The following SEC14L2 variants were observed in gnomAD, a reference collection of about 807,000 sequenced individuals.
SEC14L2 encodes the protein SEC14 like lipid binding 2.
SEC14L2 carries 50 observed loss-of-function variants against 56.9 expected under a neutral mutation model. The ratio of observed to expected loss-of-function variants is 0.88; its 90% confidence interval spans 0.70 to 1.11. The LOEUF (loss-of-function observed/expected upper bound fraction) is 1.11, where lower values mean the gene tolerates loss of function less well. SEC14L2 is among the 50% of genes most tolerant of loss of function. The probability of loss-of-function intolerance (pLI) is 0.00; values close to 1 mark genes in which losing one functional copy is unlikely to be tolerated. For missense variants in SEC14L2, 414 were observed against 500.7 expected, an observed-to-expected ratio of 0.83 and a Z score of 1.65; for synonymous variants, 179 against 188.5, an observed-to-expected ratio of 0.95 and a Z score of 0.41.
rs1934619882 is a variant in SEC14L2, at chr22:30,424,650, ACT to A, written c.*2247_*2248del. ...AAGTAAGTGCTCGTCAATGTTGGCT[ACT>A]CTCATTTTTTTTGCAGACGTGGGAA... On this transcript the variant is annotated 3_prime_UTR_variant, in exon 12 of 12. Coordinates refer to ENST00000615189, the MANE Select transcript of SEC14L2 (RefSeq NM_012429.5). The A allele has an allele frequency of 2.2e-6, 1 of 454,462 alleles. No individual in the cohort carries two copies. The highest frequency in any genetic ancestry group is 1.6e-5 in the South Asian group (1 of 64,400). 28.2% of individuals were successfully genotyped at this position (454,462 alleles called of 1,614,324 possible).
At chr22:30,397,562 G>C (rs1397639639) in intron 1 of SEC14L2, 1 of 273,484 alleles carries the variant, frequency 3.7e-6, no homozygotes, top group Non-Finnish European at 7.0e-6. Context: ...TCTTCTTGTA[G>C]GGTCAGTGGC....
rs759889683 is a variant in SEC14L2 at position 30,407,412 on chromosome 22, C to G, written c.235-3C>G. 1.2e-6 allele frequency: 2 copies of G among 1,611,376 alleles called. No homozygotes were observed. Among genetic ancestry groups the G allele is most frequent in the African/African-American group, 2.7e-5 (2 of 74,888 alleles). On this transcript the variant is annotated splice_region_variant and splice_polypyrimidine_tract_variant and intron_variant, in intron 4 of 11. Coordinates refer to ENST00000615189, the MANE Select transcript of SEC14L2 (RefSeq NM_012429.5). ...CAGGTGGCTCCTCTGTGTCTTTGCC[C>G]AGGTGATCCAACAGTATCTGTCAGG...
chr22:30,397,575 G>T, intron 1 of SEC14L2: 1 of 265,254 alleles, frequency 3.8e-6, no homozygotes, highest in Non-Finnish European at 7.3e-6. Context: ...TCAGTGGCAC[G>T]ATGGAAAGGG....
At position 30,423,576 on chromosome 22, in the gene SEC14L2, C is replaced by G. The variant is rs781387636; in HGVS notation, c.*1169C>G. ...ACCCCAATCCCACGAGCCCCGCCAA[C>G]GAACCACAGGTGCTGGGCTTTAGAG... On this transcript the variant is annotated 3_prime_UTR_variant, in exon 12 of 12. Transcript: ENST00000615189. 2.0e-5 allele frequency: 3 copies of G among 152,306 alleles called. No individual in the cohort carries two copies. The highest frequency in any genetic ancestry group is 4.4e-5 in the Non-Finnish European group (3 of 68,066). The allele number at this position is 152,306 out of a possible 1,614,324, so 9.4% of individuals were successfully genotyped here.
intron 11 of SEC14L2, 193 bp downstream of exon 11, chr22:30,416,596 C>T: frequency 3.4e-6 from 5 of 1,474,944 alleles, no homozygotes; most frequent in Non-Finnish European, 4.5e-6. Context: ...AACTGGTTAA[C>T]AGCAGGGTGG....
At chr22:30,422,250 G>C in intron 11 of SEC14L2, 27 bp from the exon 12 acceptor site, 1 of 1,613,398 alleles carries the variant, frequency 6.2e-7, no homozygotes. Flanking sequence ...CTGCCTGAAT[G>C]TCTGTCTGGT....
At chr22:30,414,660 T>C (rs1206162940) in intron 8 of SEC14L2, among the ~76,000 whole-genome samples, 1 of 152,050 alleles carries the variant, frequency 6.6e-6, no homozygotes, top group African/African-American at 2.4e-5. Context: ...AGTATCAAAA[T>C]ATTGTACCTG....
In SEC14L2 at chr22:30,422,384, C is replaced by A. The variant is rs764040503; in HGVS notation, c.1189C>A (p.Leu397Met). Reference sequence around the variant, plus strand: ...AGCCTCAGAAGAGAAGATGAAACAGCTGGGGGCAGGCACCCCGAAATAACA... The same window carrying A: ...AGCCTCAGAAGAGAAGATGAAACAGATGGGGGCAGGCACCCCGAAATAACA... The part of the protein sequence containing the change: ...DKASEEKMKQ[L>M]GAGTPK Residue 397 changes from leucine (L) to methionine (M), a missense_variant, in exon 12 of 12, where the codon CTG becomes ATG. Coordinates refer to ENST00000615189, the MANE Select transcript of SEC14L2 (RefSeq NM_012429.5). 2 of 1,614,208 alleles carry A rather than the reference C, an allele frequency of 1.2e-6. No homozygotes were observed. The highest frequency in any genetic ancestry group is 1.7e-6 in the Non-Finnish European group (2 of 1,180,030).
intron 11 of SEC14L2, 183 bp downstream of exon 11, chr22:30,416,586 A>G (rs1934397837): frequency 6.7e-7 from 1 of 1,482,818 alleles, no homozygotes; most frequent in African/African-American, 1.4e-5. Context: ...ATGGTGACCC[A>G]ACTGGTTAAC....
In SEC14L2 at chr22:30,424,245, T is replaced by G. The variant is rs1257130948; in HGVS notation, c.*1838T>G. ...GGCGGAGGAGCAGCGATCACGTGGT[T>G]TTAGGGACTGTCTAATAATTCCACG... On this transcript the variant is annotated 3_prime_UTR_variant, in exon 12 of 12. Transcript: ENST00000615189. The G allele has an allele frequency of 1.9e-5, 3 of 160,724 alleles. No individual in the cohort carries two copies. Among genetic ancestry groups the G allele is most frequent in the Non-Finnish European group, 4.2e-5 (3 of 72,270 alleles). The allele number at this position is 160,724 out of a possible 1,614,324, so 10.0% of individuals were successfully genotyped here.
intron 2 of SEC14L2, among the ~76,000 whole-genome samples, chr22:30,402,949 G>A (rs376952935): frequency 4.6e-5 from 7 of 152,050 alleles, no homozygotes; most frequent in Middle Eastern, 3.4e-3. Flanking sequence ...GTGTGGTGGC[G>A]TGCACCTGTA....
intron 11 of SEC14L2, 109 bp from the exon 12 acceptor site, chr22:30,422,168 T>C: frequency 7.2e-7 from 1 of 1,384,294 alleles, no homozygotes; most frequent in Non-Finnish European, 1.0e-6. Context: ...TTCATCCCCA[T>C]GACCTGCCAC....
At chr22:30,404,719 T>C (rs1327124820) in intron 2 of SEC14L2, among the ~76,000 whole-genome samples, 1 of 152,084 alleles carries the variant, frequency 6.6e-6, no homozygotes, top group East Asian at 1.9e-4. Context: ...TGAAAAGGAT[T>C]TGGGGGGTTT....
chr22:30,410,799 T>A, intron 8 of SEC14L2, 120 bp downstream of exon 8: 1 of 908,762 alleles, frequency 1.1e-6, no homozygotes, highest in Middle Eastern at 2.5e-4. Context: ...TTGGGAGCAG[T>A]GGGACCCAGG....
Position 30,406,949 on chromosome 22 carries a change from G to A in SEC14L2, c.175-146G>A, listed in dbSNP as rs567310120. ...CTATTTTTAGTAGGGACGGGATTTT[G>A]CCATGTTGGCCAGGCTGGTCTTGAA... On this transcript the variant is annotated intron_variant, in intron 3 of 11. Transcript: ENST00000615189. 72 of 635,662 alleles carry A rather than the reference G, an allele frequency of 1.1e-4. No homozygotes were observed. The African/African-American group carries it at 1.2e-3, about 10-fold the overall frequency. The allele number at this position is 635,662 out of a possible 1,614,324, so 39.4% of individuals were successfully genotyped here.
At chr22:30,398,301 G>T (rs922925482) in intron 1 of SEC14L2, among the ~76,000 whole-genome samples, 2 of 152,228 alleles carry the variant, frequency 1.3e-5, no homozygotes, top group African/African-American at 4.8e-5. Context: ...CTTCATGCCT[G>T]CAGTTTGGAG....
chr22:30,402,636 G>A (rs748923233), intron 2 of SEC14L2, among the ~76,000 whole-genome samples: 4 of 151,938 alleles, frequency 2.6e-5, no homozygotes, highest in Non-Finnish European at 5.9e-5. Context: ...GCCAAGCTCA[G>A]CCTCTTACAA....
In SEC14L2 at chr22:30,416,360, G is replaced by C; in HGVS notation, c.1038G>C (p.Leu346=). The C allele has an allele frequency of 6.2e-7, 1 of 1,614,206 alleles. No individual in the cohort carries two copies. The highest frequency in any genetic ancestry group is 8.5e-7 in the Non-Finnish European group (1 of 1,180,024). ...VLPNQRYNSH[L]VPEDGTLTCS... is the part of the protein sequence containing the mutation. ...CCAACCAGAGGTACAACTCCCACCT[G>C]GTCCCTGAAGATGGGACCCTCACCT... is the stretch of plus-strand genomic sequence containing the variant. Residue 346 remains leucine, a synonymous_variant, in exon 11 of 12, where the codon CTG becomes CTC. Transcript: ENST00000615189.
At chr22:30,402,990 A>C (rs867694738) in intron 2 of SEC14L2, among the ~76,000 whole-genome samples, 242 of 152,242 alleles carry the variant, frequency 1.6e-3, no homozygotes, top group African/African-American at 5.7e-3. Flanking sequence ...CGAGGTGGGA[A>C]GTCACTTAAT....
Sources: allele counts gnomAD v4.1 joint callset (sites outside exome capture counted in the v4.1 genomes callset), GRCh38; gene constraint gnomAD v4.1.1; transcripts MANE v1.5; gene names NCBI Gene and HGNC (gene_info 2026-07-23, HGNC 2026-07-21).